Variants in CES5A observed in about 807,000 individuals in gnomAD.
The protein encoded by CES5A is carboxylesterase 5.
In CES5A, 67 loss-of-function variants were observed where a neutral mutation model predicts 62.9. The observed-to-expected ratio is 1.07, with a 90% confidence interval of 0.88 to 1.31. The LOEUF (loss-of-function observed/expected upper bound fraction) is 1.31. Ranked by LOEUF, CES5A falls within the 50% of genes most tolerant of loss-of-function variation. CES5A has a pLI of 0.00. For missense variants in CES5A, 748 were observed against 708.5 expected (o/e 1.06, Z -0.63); for synonymous variants, 296 against 280.8 (o/e 1.05, Z -0.54).
At chr16:55,937,402 G>T (rs1370677258) in intron 2 of CES5A, among the ~76,000 whole-genome samples, 1 of 152,216 alleles carries the variant, frequency 6.6e-6, no homozygotes, top group African/African-American at 2.4e-5. Flanking sequence ...CAGTGAGGCA[G>T]GCTTACCTAA....
chr16:55,919,411 G>A (rs1215421717), intron 1 of CES5A, among the ~76,000 whole-genome samples: 1 of 152,142 alleles, frequency 6.6e-6, no homozygotes, highest in African/African-American at 2.4e-5. Flanking sequence ...TGAGGTCTTC[G>A]CCTACCACCC....
At chr16:55,851,652 T>C (rs1422976657) in intron 10 of CES5A, among the ~76,000 whole-genome samples, 1 of 152,198 alleles carries the variant, frequency 6.6e-6, no homozygotes, top group Non-Finnish European at 1.5e-5. Flanking sequence ...CTCTGGCATA[T>C]ACCTCAAATA....
intron 1 of CES5A, among the ~76,000 whole-genome samples, chr16:55,953,338 A>G (rs955335149): frequency 1.3e-5 from 2 of 152,182 alleles, no homozygotes; most frequent in Non-Finnish European, 2.9e-5. Context: ...CGTAAAGACA[A>G]GAGAAGAAAA....
Position 55,852,892 on chromosome 16 carries a change from C to A in CES5A, c.1262G>T (p.Arg421Leu). 2 of 1,613,162 alleles carry A rather than the reference C, an allele frequency of 1.2e-6. No homozygotes were observed. The highest frequency in any genetic ancestry group is 1.3e-5 in the African/African-American group (1 of 75,022). The change falls in exon 10 of 13, where the codon CGA becomes CTA. Residue 421 changes from arginine (R) to leucine (L), a missense_variant. By Grantham distance (102) the Arg-to-Leu change is moderately radical. Transcript: ENST00000290567. ...GCTCAGATACTCACCTCTGTGATAT[C>A]GAGCTGTGATCAGTGCAGGGACCAC... ...FFVVPALITA[R>L]YHRDAGAPVY...
intron 1 of CES5A, among the ~76,000 whole-genome samples, chr16:55,911,299 G>C (rs2034089918): frequency 6.6e-6 from 1 of 152,192 alleles, no homozygotes; most frequent in African/African-American, 2.4e-5. Context: ...TGAAGTAGAA[G>C]CTGCCCCCAT....
At chr16:55,953,247 A>C (rs1011133894) in intron 1 of CES5A, among the ~76,000 whole-genome samples, 1 of 152,228 alleles carries the variant, frequency 6.6e-6, no homozygotes, top group Admixed American at 6.5e-5. Context: ...GTAAAATATC[A>C]GAAACAATCC....
intron 1 of CES5A, among the ~76,000 whole-genome samples, chr16:55,913,796 C>T (rs2034118943): frequency 6.6e-6 from 1 of 152,224 alleles, no homozygotes; most frequent in Admixed American, 6.5e-5. Flanking sequence ...TTCATGAATG[C>T]ATTTAGTCAT....
Position 55,873,840 on chromosome 16 carries a change from G to T in CES5A, c.271C>A (p.Pro91Thr). 1 of 1,612,632 alleles carries T rather than the reference G, an allele frequency of 6.2e-7. No homozygotes were observed. Among genetic ancestry groups the T allele is most frequent in the East Asian group, 2.2e-5 (1 of 44,858 alleles). Residue 91 changes from proline (P) to threonine (T), a missense_variant, in exon 2 of 13, where the codon CCT (proline) becomes ACT (threonine). Coordinates refer to ENST00000290567, the MANE Select transcript of CES5A (RefSeq NM_001143685.2). Reference sequence around the variant, plus strand: ...GCCCGAACCTGGTCTTACAAATTAGGGTAGGAGGTGGCTTCTCGCAAGTTA... The same window carrying T: ...GCCCGAACCTGGTCTTACAAATTAGTGTAGGAGGTGGCTTCTCGCAAGTTA... ...WDNLREATSY[P>T]NLCLQNSEWL...
chr16:55,928,642 T>A (rs1173515646), upstream of CES5A, among the ~76,000 whole-genome samples: 2 of 152,176 alleles, frequency 1.3e-5, no homozygotes, highest in Non-Finnish European at 2.9e-5. Context: ...AAAATAAAAT[T>A]TCCACTGAGA....
intron 1 of CES5A, among the ~76,000 whole-genome samples, chr16:55,901,863 C>T (rs1171779979): frequency 2.0e-5 from 3 of 152,060 alleles, no homozygotes; most frequent in African/African-American, 2.4e-5. Context: ...ATTTTAATTT[C>T]GAGGCTTACA....
At chr16:55,866,877 A>G (rs1422637910) in intron 4 of CES5A, among the ~76,000 whole-genome samples, 1 of 151,896 alleles carries the variant, frequency 6.6e-6, no homozygotes, top group East Asian at 1.9e-4. Flanking sequence ...ACAAACAAAA[A>G]ACAATAACAG....
chr16:55,854,291 G>A (rs765420046), intron 9 of CES5A, among the ~76,000 whole-genome samples: 16 of 151,876 alleles, frequency 1.1e-4, no homozygotes, highest in Non-Finnish European at 1.5e-4. Context: ...GCACTTTCCC[G>A]CACAGCCTAC....
intron 1 of CES5A, among the ~76,000 whole-genome samples, chr16:55,921,288 G>A (rs1162194246): frequency 2.0e-5 from 3 of 152,128 alleles, no homozygotes; most frequent in East Asian, 1.9e-4. Context: ...GATCTGACCC[G>A]AGTGAGACTA....
At chr16:55,886,060 G>A (rs544888134) in intron 1 of CES5A, among the ~76,000 whole-genome samples, 9 of 152,328 alleles carry the variant, frequency 5.9e-5, no homozygotes, top group African/African-American at 1.9e-4. Context: ...CGGCTAGCTG[G>A]TGGAAGAGGC....
chr16:55,942,275 G>A (rs1022398973), intron 2 of CES5A, among the ~76,000 whole-genome samples: 1 of 152,136 alleles, frequency 6.6e-6, no homozygotes, highest in Non-Finnish European at 1.5e-5. Context: ...TTAAGAAAAT[G>A]AATAGTAAAA....
rs563155576 is a variant in CES5A at position 55,902,841 on chromosome 16, G to T, written c.-256+22482C>A. Among the ~76,000 whole-genome samples the T allele has an allele frequency of 6.6e-5, 10 of 152,298 alleles. No individual in the cohort carries two copies. In the South Asian group the frequency reaches 2.1e-3, roughly 32 times the overall value. On this transcript the variant is annotated intron_variant, in intron 1 of 12. Transcript: ENST00000518005. ...TCCTTCCTTACAACACATGTGCCTG[G>T]AGAAGGATGTGGGGTAGTGAAGCTC...
chr16:55,942,816 C>G (rs1170451197), intron 2 of CES5A, among the ~76,000 whole-genome samples: 3 of 152,152 alleles, frequency 2.0e-5, no homozygotes, highest in Non-Finnish European at 4.4e-5. Flanking sequence ...AGTGGTATGT[C>G]CATACAATAA....
intron 1 of CES5A, among the ~76,000 whole-genome samples, chr16:55,924,362 C>A (rs1281843220): frequency 6.6e-6 from 1 of 151,456 alleles, no homozygotes; most frequent in African/African-American, 2.4e-5. Flanking sequence ...TCAATTTAAC[C>A]AAATAAGTGA....
upstream of CES5A, among the ~76,000 whole-genome samples, chr16:55,929,020 G>A (rs146592644): frequency 7.6e-4 from 115 of 152,294 alleles, no homozygotes; most frequent in African/African-American, 2.6e-3. Flanking sequence ...TAAGTTCAGG[G>A]GTGGAGCACA....
Sources: gnomAD v4.1 joint callset for allele counts (sites outside exome capture counted in the v4.1 genomes callset) on GRCh38, gnomAD v4.1.1 for gene constraint, MANE v1.5 for transcripts, NCBI Gene and HGNC (gene_info 2026-07-23, HGNC 2026-07-21) for gene names.